Variants in PPP1R12A observed in about 807,000 individuals in gnomAD.
The protein encoded by PPP1R12A is protein phosphatase 1 regulatory subunit 12A.
In PPP1R12A, 19 loss-of-function variants were observed where a neutral mutation model predicts 139.6. The ratio of observed to expected loss-of-function variants is 0.14; its 90% confidence interval spans 0.09 to 0.20. PPP1R12A has a LOEUF of 0.20. PPP1R12A is among the 10% of genes least tolerant of loss of function. PPP1R12A has a pLI of 1.00. For missense variants in PPP1R12A, 925 were observed against 1,211.5 expected (o/e 0.76, Z 3.51); for synonymous variants, 427 against 420.6 (o/e 1.02, Z -0.19).
chr12:79,914,672 C>T (rs1468921595), intron 1 of PPP1R12A, among the ~76,000 whole-genome samples: 1 of 151,920 alleles, frequency 6.6e-6, no homozygotes, highest in Non-Finnish European at 1.5e-5. Context: ...CCATCAGCCA[C>T]CATTGATGAC....
chr12:79,777,548 G>A (rs1869885813), intron 24 of PPP1R12A: 1 of 985,238 alleles, frequency 1.0e-6, no homozygotes, highest in Non-Finnish European at 1.2e-6. Flanking sequence ...GTTGCCTATA[G>A]AACCCTGAGC....
In PPP1R12A at chr12:79,805,692, C is replaced by T. The variant is rs991483268; in HGVS notation, c.1900G>A (p.Val634Ile). 6.2e-7 allele frequency: 1 copy of T among 1,613,628 alleles called. No individual in the cohort carries two copies. The highest frequency in any genetic ancestry group is 1.3e-5 in the African/African-American group (1 of 75,038). ...DSVPTAVTIP[V>I]APTVVNAAAS... is the part of the protein sequence containing the mutation. Reference sequence around the variant, plus strand: ...GCAGCATTTACAACAGTTGGAGCAACAGGAATGGTCACTGCCGTAGGAACA... The same window carrying T: ...GCAGCATTTACAACAGTTGGAGCAATAGGAATGGTCACTGCCGTAGGAACA... Residue 634 changes from valine (V) to isoleucine (I), a missense_variant, in exon 14 of 25, where the codon GTT becomes ATT. By Grantham distance (29) the Val-to-Ile change is conservative. This residue lies in a region of PPP1R12A where 403 missense variants were observed against 463.7 expected (regional missense o/e 0.87). Coordinates refer to ENST00000450142, the MANE Select transcript of PPP1R12A (RefSeq NM_002480.3).
intron 1 of PPP1R12A, among the ~76,000 whole-genome samples, chr12:79,873,375 C>T (rs1420976461): frequency 2.0e-5 from 3 of 151,486 alleles, no homozygotes; most frequent in African/African-American, 7.3e-5. Flanking sequence ...GACATGTACA[C>T]GTGATGGTAT....
intron 5 of PPP1R12A, among the ~76,000 whole-genome samples, chr12:79,822,832 T>C (rs1876284586): frequency 6.7e-6 from 1 of 149,874 alleles, no homozygotes; most frequent in South Asian, 2.1e-4. Flanking sequence ...TTTTTTTGCC[T>C]ATGATGAATA....
At chr12:79,930,647 C>T (rs1292620665) in intron 1 of PPP1R12A, among the ~76,000 whole-genome samples, 2 of 152,108 alleles carry the variant, frequency 1.3e-5, no homozygotes, top group African/African-American at 4.8e-5. Context: ...TGGCACACGT[C>T]TGTAATCCCA....
At position 79,868,305 on chromosome 12, in the gene PPP1R12A, G is replaced by A. The variant is rs145063142; in HGVS notation, c.368+4503C>T. Among the ~76,000 whole-genome samples the A allele has an allele frequency of 5.2e-3, 788 of 152,186 alleles. 5 individuals are homozygous for A. Among genetic ancestry groups the A allele is most frequent in the African/African-American group, 0.018 (749 of 41,510 alleles). ...TAAAATCATTTGCCTTTTCTAGTAT[G>A]TCCAAAGTCATACTGTTCCATTTCA... On this transcript the variant is annotated intron_variant, in intron 2 of 24. Coordinates refer to ENST00000450142, the MANE Select transcript of PPP1R12A (RefSeq NM_002480.3).
intron 14 of PPP1R12A, among the ~76,000 whole-genome samples, chr12:79,801,705 T>C (rs1565746941): frequency 6.6e-6 from 1 of 152,160 alleles, no homozygotes; most frequent in African/African-American, 2.4e-5. Flanking sequence ...ATTCTTAGCA[T>C]TCACCTCCTT....
chr12:79,832,417 C>T lies in PPP1R12A; in HGVS notation c.562G>A (p.Gly188Ser), dbSNP rs1332668077. 9 of 1,613,464 alleles carry T rather than the reference C, an allele frequency of 5.6e-6. No homozygotes were observed. The highest frequency in any genetic ancestry group is 6.8e-6 in the Non-Finnish European group (8 of 1,179,678). ...LRDARQWLNS[G>S]HINDVRHAKS... ...GCATGCCGGACATCATTTATATGACCACTATTTAGCCACTGCCTGGCATCT... is the reference window on the plus strand; with the variant it reads ...GCATGCCGGACATCATTTATATGACTACTATTTAGCCACTGCCTGGCATCT... The change falls in exon 4 of 25, where the codon GGT becomes AGT. Residue 188 changes from glycine (G) to serine (S), a missense_variant. Coordinates refer to ENST00000450142, the MANE Select transcript of PPP1R12A (RefSeq NM_002480.3).
At chr12:79,895,616 G>A (rs899341000) in intron 1 of PPP1R12A, among the ~76,000 whole-genome samples, 2 of 152,092 alleles carry the variant, frequency 1.3e-5, no homozygotes, top group Admixed American at 6.6e-5. Flanking sequence ...TAAGAGAACA[G>A]ACTGTATACA....
intron 3 of PPP1R12A, among the ~76,000 whole-genome samples, chr12:79,843,378 C>A (rs528799306): frequency 1.3e-5 from 2 of 151,832 alleles, no homozygotes; most frequent in Non-Finnish European, 2.9e-5. Flanking sequence ...GAGGTGGAGA[C>A]CAGCCTGGCC....
chr12:79,928,787 C>A (rs542809323), intron 1 of PPP1R12A, among the ~76,000 whole-genome samples: 1 of 152,274 alleles, frequency 6.6e-6, no homozygotes, highest in Admixed American at 6.5e-5. Flanking sequence ...AAGAAGACTA[C>A]ACAAAAGTAT....
chr12:79,858,996 C>T (rs551090881), intron 2 of PPP1R12A, among the ~76,000 whole-genome samples: 19 of 151,932 alleles, frequency 1.3e-4, no homozygotes, highest in South Asian at 2.1e-4. Flanking sequence ...TAATTTAAAA[C>T]GATCACTGCG....
chr12:79,935,254 T>G, upstream of PPP1R12A: 2 of 1,121,340 alleles, frequency 1.8e-6, no homozygotes, highest in Non-Finnish European at 2.2e-6. Flanking sequence ...CCTGGGCCTG[T>G]GCCCGCCCCA....
intron 5 of PPP1R12A, among the ~76,000 whole-genome samples, chr12:79,827,923 C>A (rs1035833658): frequency 6.6e-6 from 1 of 152,112 alleles, no homozygotes; most frequent in African/African-American, 2.4e-5. Flanking sequence ...AGACCATCAG[C>A]TAAAGAATTA....
At chr12:79,895,186 C>T (rs1375614686) in intron 1 of PPP1R12A, among the ~76,000 whole-genome samples, 1 of 151,942 alleles carries the variant, frequency 6.6e-6, no homozygotes. Flanking sequence ...AGGGCTAGCC[C>T]ATAGGCAAGT....
chr12:79,872,550 A>C (rs1339351350), intron 2 of PPP1R12A, among the ~76,000 whole-genome samples: 1 of 152,150 alleles, frequency 6.6e-6, no homozygotes, highest in Non-Finnish European at 1.5e-5. Flanking sequence ...CAAAAGAAAA[A>C]AGATGGAGAC....
At chr12:79,868,958 T>G (rs1882280062) in intron 2 of PPP1R12A, among the ~76,000 whole-genome samples, 1 of 152,192 alleles carries the variant, frequency 6.6e-6, no homozygotes. Context: ...GTAACATTCT[T>G]AAGAATGAAA....
At chr12:79,861,986 CTG>C (rs1027905803) in intron 2 of PPP1R12A, among the ~76,000 whole-genome samples, 7 of 152,322 alleles carry the variant, frequency 4.6e-5, no homozygotes, top group Non-Finnish European at 8.8e-5. Context: ...CATTCAATCT[CTG>C]TAAACGGACA....
intron 9 of PPP1R12A, among the ~76,000 whole-genome samples, chr12:79,813,608 A>T (rs924752015): frequency 1.3e-5 from 2 of 152,206 alleles, no homozygotes; most frequent in Admixed American, 6.5e-5. Context: ...AATCTGCTTT[A>T]GAGATCCCAA....
Sources: gnomAD v4.1 joint callset for allele counts (sites outside exome capture counted in the v4.1 genomes callset) on GRCh38, gnomAD v4.1.1 for gene constraint, gnomAD v4.1.1 regional missense constraint, MANE v1.5 for transcripts, NCBI Gene and HGNC (gene_info 2026-07-23, HGNC 2026-07-21) for gene names.